Variants in FA2H observed in about 807,000 individuals in gnomAD.
The protein encoded by FA2H is fatty acid alpha-hydroxylase.
FA2H carries 22 observed loss-of-function variants against 44.9 expected under a neutral mutation model. The observed-to-expected ratio is 0.49, with a 90% CI of 0.35 to 0.70. The LOEUF (loss-of-function observed/expected upper bound fraction) is 0.70. Among genes scored for constraint, FA2H ranks in the 30% least tolerant of loss-of-function variants. The probability of loss-of-function intolerance (pLI) is 0.01; values close to 1 mark genes in which losing one functional copy is unlikely to be tolerated. For missense variants in FA2H, 501 were observed against 504.9 expected (o/e 0.99, Z 0.07); for synonymous variants, 243 against 213.2 (o/e 1.14, Z -1.22).
At chr16:74,743,136 G>A (rs2144638870) in intron 1 of FA2H, among the ~76,000 whole-genome samples, 1 of 152,262 alleles carries the variant, frequency 6.6e-6, no homozygotes, top group Admixed American at 6.5e-5. Flanking sequence ...ACTGGTGTGA[G>A]GCACCATGCC....
intron 1 of FA2H, among the ~76,000 whole-genome samples, chr16:74,771,143 G>T (rs974327042): frequency 1.9e-4 from 29 of 152,150 alleles, no homozygotes; most frequent in African/African-American, 7.0e-4. Flanking sequence ...AAACCTGTCA[G>T]TCTCAACCTC....
At chr16:74,747,739 A>G (rs912892465) in intron 1 of FA2H, among the ~76,000 whole-genome samples, 86 of 152,256 alleles carry the variant, frequency 5.6e-4, no homozygotes, top group African/African-American at 2.0e-3. Context: ...CAATGTCCTC[A>G]GAAGGAACCA....
At chr16:74,718,028 C>G (rs560877025) in intron 5 of FA2H, among the ~76,000 whole-genome samples, 21 of 152,272 alleles carry the variant, frequency 1.4e-4, no homozygotes, top group African/African-American at 4.8e-4. Context: ...ACTGGGCACC[C>G]ACCCTGATAC....
rs1400863649 is a variant in FA2H, at chr16:74,774,756, G to T, written c.-1C>A. ...CGGCGGGGGGCGGAGCGGGGGCCAT[G>T]GCCGGAGACCGCAGCTCCCAGCGCG... On this transcript the variant is annotated 5_prime_UTR_variant, in exon 1 of 7. Coordinates refer to ENST00000219368, the MANE Select transcript of FA2H (RefSeq NM_024306.5). 11 of 1,301,146 alleles carry T rather than the reference G, an allele frequency of 8.5e-6. No individual in the cohort carries two copies. In the Admixed American group the frequency reaches 1.3e-4, roughly 15 times the overall value. The allele number at this position is 1,301,146 out of a possible 1,614,324, so 80.6% of individuals were successfully genotyped here.
chr16:74,731,837 T>C (rs996809908), intron 2 of FA2H, among the ~76,000 whole-genome samples: 1 of 152,182 alleles, frequency 6.6e-6, no homozygotes, highest in Non-Finnish European at 1.5e-5. Context: ...TACACATCTG[T>C]AGCTTACGAC....
chr16:74,756,377 C>A (rs1962613391), intron 1 of FA2H, among the ~76,000 whole-genome samples: 1 of 152,118 alleles, frequency 6.6e-6, no homozygotes, highest in South Asian at 2.1e-4. Context: ...CCACTGTGGG[C>A]CACACACATG....
intron 2 of FA2H, among the ~76,000 whole-genome samples, chr16:74,738,713 T>C (rs1032515407): frequency 2.0e-5 from 3 of 152,050 alleles, no homozygotes; most frequent in African/African-American, 7.2e-5. Context: ...GGTCCCCTCA[T>C]CAGTCCCCAA....
chr16:74,718,190 A>G (rs373276252), intron 5 of FA2H, among the ~76,000 whole-genome samples: 52 of 152,318 alleles, frequency 3.4e-4, no homozygotes, highest in African/African-American at 1.2e-3. Context: ...CTGGGAAACC[A>G]AGGTGAAACC....
At chr16:74,719,209 G>A in intron 4 of FA2H, 49 bp from the exon 5 acceptor site, 1 of 1,539,108 alleles carries the variant, frequency 6.5e-7, no homozygotes, top group South Asian at 1.1e-5. Flanking sequence ...ATAGCAGCCT[G>A]GTAGCTCCAG....
intron 1 of FA2H, among the ~76,000 whole-genome samples, chr16:74,754,638 C>T (rs1288004077): frequency 6.6e-6 from 1 of 152,008 alleles, no homozygotes; most frequent in African/African-American, 2.4e-5. Flanking sequence ...AGTGATCCTC[C>T]CACCTTAGCC....
intron 1 of FA2H, among the ~76,000 whole-genome samples, chr16:74,756,661 T>C (rs1962618165): frequency 1.3e-5 from 2 of 152,210 alleles, no homozygotes; most frequent in Middle Eastern, 3.4e-3. Flanking sequence ...TTCATTGGTA[T>C]AGAATATAGT....
intron 2 of FA2H, 69 bp downstream of exon 2, chr16:74,739,954 C>T (rs1017199992): frequency 6.9e-5 from 84 of 1,222,970 alleles, no homozygotes; most frequent in African/African-American, 6.3e-4. Flanking sequence ...TTTGGCTCCA[C>T]ACACCCTCTT....
At chr16:74,773,127 CG>C (rs1962938624) in intron 1 of FA2H, among the ~76,000 whole-genome samples, 3 of 152,264 alleles carry the variant, frequency 2.0e-5, no homozygotes, top group Admixed American at 6.5e-5. Flanking sequence ...CCTCTTACCT[CG>C]GCCTCCCAAA....
At chr16:74,728,661 T>G (rs1451451610) in intron 2 of FA2H, among the ~76,000 whole-genome samples, 7 of 152,138 alleles carry the variant, frequency 4.6e-5, no homozygotes, top group African/African-American at 1.7e-4. Flanking sequence ...GGCAAGGATG[T>G]ACGTGTACTC....
At chr16:74,767,892 G>C (rs1225831162) in intron 1 of FA2H, among the ~76,000 whole-genome samples, 1 of 152,198 alleles carries the variant, frequency 6.6e-6, no homozygotes, top group Non-Finnish European at 1.5e-5. Flanking sequence ...GTACTGGAGG[G>C]GAGGAAGGGT....
chr16:74,731,291 C>T (rs752958483), intron 2 of FA2H, among the ~76,000 whole-genome samples: 4 of 148,328 alleles, frequency 2.7e-5, no homozygotes, highest in East Asian at 2.0e-4. Flanking sequence ...CCCACCACCA[C>T]GTCTGGCTTT....
chr16:74,755,906 T>C (rs530645534), intron 1 of FA2H, among the ~76,000 whole-genome samples: 16 of 152,264 alleles, frequency 1.1e-4, no homozygotes, highest in Non-Finnish European at 1.5e-4. Context: ...AAGGGTATAG[T>C]CTGACAACGA....
At chr16:74,750,761 CTGTG>C (rs55799456) in intron 1 of FA2H, among the ~76,000 whole-genome samples, 31 of 141,608 alleles carry the variant, frequency 2.2e-4, no homozygotes, top group African/African-American at 5.7e-4. Flanking sequence ...TTTTTTTTCA[CTGTG>C]TGTGTGTGTG....
intron 1 of FA2H, among the ~76,000 whole-genome samples, chr16:74,769,986 G>A (rs1003491528): frequency 1.7e-4 from 26 of 152,218 alleles, no homozygotes; most frequent in Admixed American, 3.9e-4. Flanking sequence ...CCTACAGAGG[G>A]TGCAGCAAAG....
Sources: gnomAD v4.1 joint callset for allele counts (sites outside exome capture counted in the v4.1 genomes callset) on GRCh38, gnomAD v4.1.1 for gene constraint, MANE v1.5 for transcripts, NCBI Gene and HGNC (gene_info 2026-07-23, HGNC 2026-07-21) for gene names.